The following AGMO variants were observed in gnomAD, a reference collection of about 807,000 sequenced individuals.
AGMO encodes the protein glyceryl-ether monooxygenase.
A neutral mutation model predicts 60.2 loss-of-function variants in AGMO; 75 were observed. The observed-to-expected ratio is 1.25, with a 90% CI of 1.03 to 1.51. The LOEUF (loss-of-function observed/expected upper bound fraction) is 1.51. Among genes scored for constraint, AGMO ranks in the 40% most tolerant of loss-of-function variants. The pLI is 0.00. For missense variants in AGMO, 763 were observed against 525.5 expected, an observed-to-expected ratio of 1.45 and a Z score of -4.42; for synonymous variants, 261 against 177.1, an observed-to-expected ratio of 1.47 and a Z score of -3.76.
chr7:15,411,217 C>T (rs1159421107), intron 5 of AGMO, among the ~76,000 whole-genome samples: 1 of 151,988 alleles, frequency 6.6e-6, no homozygotes, highest in Non-Finnish European at 1.5e-5. Flanking sequence ...GTACCTTGAT[C>T]TTGGACTTTG....
At chr7:15,192,251 C>G in the AGMO span, among the ~76,000 whole-genome samples, 1 of 151,374 alleles carries the variant, frequency 6.6e-6, no homozygotes, top group South Asian at 2.1e-4. Context: ...CAAAATCACC[C>G]TGGCCCGCCA....
intron 12 of AGMO, among the ~76,000 whole-genome samples, chr7:15,341,699 A>G (rs565300447): frequency 6.6e-6 from 1 of 152,260 alleles, no homozygotes; most frequent in Admixed American, 6.5e-5. Context: ...TAATAAAAAC[A>G]TACCTGAGAG....
the AGMO span, among the ~76,000 whole-genome samples, chr7:15,167,989 CA>C: frequency 1.3e-5 from 2 of 152,192 alleles, no homozygotes; most frequent in African/African-American, 4.8e-5. Flanking sequence ...ACACAAGAAT[CA>C]AAGCTGGTCC....
At position 15,365,607 on chromosome 7, in the gene AGMO, A is replaced by G. The variant is rs953330998; in HGVS notation, c.1170T>C (p.Ala390=). The change falls in exon 12 of 13, where the codon GCT becomes GCC. Residue 390 remains alanine (A), a synonymous_variant. Coordinates refer to ENST00000342526, the MANE Select transcript of AGMO (RefSeq NM_001004320.2). ...GFLLDQRPKA[A]IMETLRCLMF... ...TCAAGCAACGGAGAGTTTCCATAAT[A>G]GCTGCCTTGGGTCTGAAATAAAATG... is the stretch of plus-strand genomic sequence containing the variant. The G allele has an allele frequency of 5.0e-6, 8 of 1,612,202 alleles. No individual in the cohort carries two copies. The African/African-American group carries it at 9.4e-5, about 19-fold the overall frequency.
intron 3 of AGMO, among the ~76,000 whole-genome samples, chr7:15,490,224 A>C (rs1038945111): frequency 1.7e-4 from 26 of 152,186 alleles, no homozygotes; most frequent in Admixed American, 1.3e-3. Context: ...ATATTTCATA[A>C]ATCAATTAAA....
intron 10 of AGMO, among the ~76,000 whole-genome samples, chr7:15,374,164 G>A (rs1562468026): frequency 6.6e-6 from 1 of 151,520 alleles, no homozygotes; most frequent in Non-Finnish European, 1.5e-5. Context: ...TTATATGTGA[G>A]TCTCAAGAAT....
At chr7:15,215,766 A>G in intron 12 of AGMO, among the ~76,000 whole-genome samples, 1 of 152,208 alleles carries the variant, frequency 6.6e-6, no homozygotes, top group African/African-American at 2.4e-5. Context: ...CATGGAACAC[A>G]TTAACTTGAG....
the AGMO span, among the ~76,000 whole-genome samples, chr7:15,188,734 C>T: frequency 1.3e-5 from 2 of 149,668 alleles, no homozygotes; most frequent in East Asian, 2.0e-4. Context: ...ATAAATATAA[C>T]GTCTGAACTG....
intron 3 of AGMO, among the ~76,000 whole-genome samples, chr7:15,535,946 G>A (rs1338387861): frequency 2.0e-5 from 3 of 150,994 alleles, no homozygotes; most frequent in Non-Finnish European, 4.4e-5. Flanking sequence ...TAATATACGT[G>A]GGTACTCAGT....
chr7:15,521,834 G>A (rs1288402917), intron 3 of AGMO, among the ~76,000 whole-genome samples: 3 of 152,184 alleles, frequency 2.0e-5, no homozygotes, highest in Non-Finnish European at 4.4e-5. Context: ...CATAGAAATG[G>A]AAGTTCTGGC....
intron 12 of AGMO, among the ~76,000 whole-genome samples, chr7:15,301,782 G>T (rs1780442924): frequency 6.6e-6 from 1 of 151,966 alleles, no homozygotes; most frequent in Non-Finnish European, 1.5e-5. Context: ...CATCTTTTTA[G>T]AAACACTGTT....
At position 15,387,259 on chromosome 7, in the gene AGMO, T is replaced by C. The variant is rs2128483791; in HGVS notation, c.957+147A>G. On this transcript the variant is annotated intron_variant, in intron 9 of 12. Coordinates refer to ENST00000342526, the MANE Select transcript of AGMO (RefSeq NM_001004320.2). ...TGGCACAAAGTTGGTGGATACTCAT[T>C]AAGTAAGTTATGCACCACAGGACTG... 3.4e-6 allele frequency: 3 copies of C among 872,776 alleles called. No homozygotes were observed. In the Middle Eastern group the frequency reaches 8.8e-4, roughly 256 times the overall value. 54.1% of individuals were successfully genotyped at this position (872,776 alleles called of 1,614,324 possible). A position where few individuals can be genotyped will look rare whatever the true frequency, so the allele number is the denominator to read the frequency against.
intron 12 of AGMO, among the ~76,000 whole-genome samples, chr7:15,285,454 A>G (rs890081997): frequency 6.6e-5 from 10 of 152,094 alleles, no homozygotes; most frequent in African/African-American, 9.6e-5. Context: ...AATCAAATCA[A>G]GAACCCAATT....
At chr7:15,378,225 G>C (rs945577945) in intron 10 of AGMO, among the ~76,000 whole-genome samples, 2 of 151,962 alleles carry the variant, frequency 1.3e-5, no homozygotes, top group African/African-American at 4.8e-5. Flanking sequence ...TATTTGGACA[G>C]ACAGCACATA....
intron 5 of AGMO, among the ~76,000 whole-genome samples, chr7:15,402,112 T>C (rs201661531): frequency 1.3e-5 from 2 of 152,106 alleles, no homozygotes; most frequent in East Asian, 3.9e-4. Context: ...GAGAAAGATA[T>C]GCTTAAAATG....
intron 3 of AGMO, among the ~76,000 whole-genome samples, chr7:15,433,728 A>T (rs1182729305): frequency 6.6e-6 from 1 of 151,396 alleles, no homozygotes. Context: ...CATTCTGTTC[A>T]ATAACATTTT....
At chr7:15,526,680 C>T (rs1028602765) in intron 3 of AGMO, among the ~76,000 whole-genome samples, 3 of 152,038 alleles carry the variant, frequency 2.0e-5, no homozygotes, top group African/African-American at 7.2e-5. Flanking sequence ...TGCTTTTTTC[C>T]ATTAACACAA....
rs192556471 is a variant in AGMO at position 15,304,231 on chromosome 7, C to T, written c.1263+61283G>A. Among the ~76,000 whole-genome samples the T allele has an allele frequency of 2.6e-5, 4 of 152,224 alleles. No individual in the cohort carries two copies. The East Asian group carries it at 7.7e-4, about 29-fold the overall frequency. On this transcript the variant is annotated intron_variant, in intron 12 of 12. Transcript: ENST00000342526. ...TTAAATGTCTTGACCTACATAAACT[C>T]CTAACATTTGTTTCATCTTTTAAAG...
rs73679471 is a variant in AGMO, at chr7:15,324,608, G to A, written c.1263+40906C>T. 3.4e-3 allele frequency among the ~76,000 whole-genome samples: 511 copies of A among 152,134 alleles called. 4 individuals carry two copies. The highest frequency in any genetic ancestry group is 0.012 in the African/African-American group (487 of 41,496). On this transcript the variant is annotated intron_variant, in intron 12 of 12. Coordinates refer to ENST00000342526, the MANE Select transcript of AGMO (RefSeq NM_001004320.2). ...CTGAGGTCTGTCCTCTAATGTAGTG[G>A]CCCCCAACCTTTTTGACACCAGGAA... is the stretch of plus-strand genomic sequence containing the variant.
Sources: gnomAD v4.1 joint callset for allele counts (sites outside exome capture counted in the v4.1 genomes callset) on GRCh38, gnomAD v4.1.1 for gene constraint, MANE v1.5 for transcripts, NCBI Gene and HGNC (gene_info 2026-07-23, HGNC 2026-07-21) for gene names.